The following FHIT variants were observed in gnomAD, a reference collection of about 807,000 sequenced individuals.
FHIT encodes fragile histidine triad diadenosine triphosphatase, also known as bis(5'-adenosyl)-triphosphatase.
In FHIT, 19 loss-of-function variants were observed where a neutral mutation model predicts 17.9. That is an observed-to-expected ratio of 1.06 (90% CI 0.74 to 1.56). FHIT has a LOEUF of 1.56. Ranked by LOEUF, FHIT falls within the 40% of genes most tolerant of loss-of-function variation. FHIT has a pLI of 0.00. For synonymous variants in FHIT, 81 were observed against 69.7 expected (o/e 1.16, Z -0.81); for missense variants, 248 against 189.2 (o/e 1.31, Z -1.82).
At chr3:60,044,962 C>T (rs150599211) in intron 5 of FHIT, among the ~76,000 whole-genome samples, 129 of 152,216 alleles carry the variant, frequency 8.5e-4, no homozygotes, top group African/African-American at 2.8e-3. Flanking sequence ...TCAAAATAAA[C>T]ACTGATCAAT....
chr3:60,003,076 G>A (rs546096168), intron 7 of FHIT, among the ~76,000 whole-genome samples: 1 of 152,120 alleles, frequency 6.6e-6, no homozygotes, highest in African/African-American at 2.4e-5. Context: ...GCTTCAAATG[G>A]GGCCCTTGGT....
At chr3:60,858,689 G>A (rs1278367332) in intron 3 of FHIT, among the ~76,000 whole-genome samples, 8 of 152,036 alleles carry the variant, frequency 5.3e-5, no homozygotes, top group African/African-American at 9.7e-5. Context: ...ACCACTAATC[G>A]GAGACAGATG....
At chr3:60,963,013 C>A (rs1159676813) in intron 3 of FHIT, among the ~76,000 whole-genome samples, 1 of 152,276 alleles carries the variant, frequency 6.6e-6, no homozygotes, top group East Asian at 1.9e-4. Context: ...GGTACCCGCT[C>A]CTCTTTGTAC....
Position 60,447,218 on chromosome 3 carries a change from A to G in FHIT, c.103+89642T>C, listed in dbSNP as rs572159135. ...TCTTTGTTATCTTCAAATTAGGTTTACATGTGGCTTTTCTATTGTTTTCAA... is the reference window on the plus strand; with the variant it reads ...TCTTTGTTATCTTCAAATTAGGTTTGCATGTGGCTTTTCTATTGTTTTCAA... On this transcript the variant is annotated intron_variant, in intron 5 of 9. Transcript: ENST00000492590. Among the ~76,000 whole-genome samples the G allele has an allele frequency of 1.3e-3, 193 of 152,210 alleles. 1 individual carries two copies. The highest frequency in any genetic ancestry group is 4.4e-3 in the African/African-American group (182 of 41,538).
intron 5 of FHIT, among the ~76,000 whole-genome samples, chr3:60,480,618 G>A (rs2033565756): frequency 6.6e-6 from 1 of 152,152 alleles, no homozygotes; most frequent in Non-Finnish European, 1.5e-5. Context: ...AAACTAAGGG[G>A]ACACAGGTCC....
intron 5 of FHIT, among the ~76,000 whole-genome samples, chr3:60,435,788 T>C (rs1268290430): frequency 6.6e-6 from 1 of 152,124 alleles, no homozygotes; most frequent in East Asian, 1.9e-4. Context: ...TTACTTTTCC[T>C]GATCGTCTCC....
At chr3:60,744,246 TAAAAAAAAAAACAAAACAAAAC>T (rs1346203978) in intron 4 of FHIT, among the ~76,000 whole-genome samples, 2 of 30,920 alleles carry the variant, frequency 6.5e-5, no homozygotes, top group South Asian at 1.3e-3. Flanking sequence ...GGAAGTAATG[TAAAAAAAAAAACAAAACAAAAC>T]AAAAAAAAAA....
intron 5 of FHIT, among the ~76,000 whole-genome samples, chr3:60,468,384 T>A (rs1167880286): frequency 1.3e-5 from 2 of 152,116 alleles, no homozygotes; most frequent in Non-Finnish European, 2.9e-5. Context: ...CTTTCATTCC[T>A]TCCTGTCTTC....
chr3:59,906,605 G>C (rs1704596626), intron 8 of FHIT, among the ~76,000 whole-genome samples: 1 of 152,162 alleles, frequency 6.6e-6, no homozygotes, highest in African/African-American at 2.4e-5. Flanking sequence ...GTTACAGATG[G>C]ATCTCAATGG....
chr3:60,540,147 C>G (rs2036139042), intron 4 of FHIT, among the ~76,000 whole-genome samples: 1 of 151,950 alleles, frequency 6.6e-6, no homozygotes, highest in Non-Finnish European at 1.5e-5. Context: ...CCCAGAAGAA[C>G]AGGTTTAGGG....
intron 5 of FHIT, among the ~76,000 whole-genome samples, chr3:60,447,190 A>G (rs1186170490): frequency 6.6e-6 from 1 of 152,044 alleles, no homozygotes; most frequent in Non-Finnish European, 1.5e-5. Flanking sequence ...TTGTCTTGGC[A>G]GTTCTTTGTT....
intron 8 of FHIT, among the ~76,000 whole-genome samples, chr3:59,817,585 G>C (rs1181814369): frequency 1.5e-5 from 2 of 137,342 alleles, no homozygotes; most frequent in Non-Finnish European, 3.2e-5. Context: ...AAAAAAGAAA[G>C]AAAGAAAGAA....
At chr3:60,263,623 C>T (rs935266904) in intron 5 of FHIT, among the ~76,000 whole-genome samples, 2 of 151,926 alleles carry the variant, frequency 1.3e-5, no homozygotes, top group Non-Finnish European at 2.9e-5. Context: ...CAAACCTAAT[C>T]TATAGCATCA....
At chr3:60,329,609 G>A (rs1709865538) in intron 5 of FHIT, among the ~76,000 whole-genome samples, 1 of 152,208 alleles carries the variant, frequency 6.6e-6, no homozygotes, top group Non-Finnish European at 1.5e-5. Context: ...GAAGTTAGGT[G>A]AGTAACTAGC....
chr3:61,060,344 T>A (rs2034382840), intron 2 of FHIT, among the ~76,000 whole-genome samples: 1 of 152,190 alleles, frequency 6.6e-6, no homozygotes, highest in Non-Finnish European at 1.5e-5. Flanking sequence ...CAGGAACCTA[T>A]CAATGACATT....
chr3:60,117,870 C>A (rs1293067195), intron 5 of FHIT, among the ~76,000 whole-genome samples: 2 of 152,168 alleles, frequency 1.3e-5, no homozygotes, highest in African/African-American at 4.8e-5. Context: ...AGACCACCAA[C>A]TGCAGGGTCA....
chr3:59,915,227 G>A (rs1193501861), intron 8 of FHIT, among the ~76,000 whole-genome samples: 1 of 152,180 alleles, frequency 6.6e-6, no homozygotes. Flanking sequence ...TCACTGTGGA[G>A]GGCAGATAGG....
intron 5 of FHIT, among the ~76,000 whole-genome samples, chr3:60,030,106 A>C (rs566294080): frequency 2.6e-5 from 4 of 152,142 alleles, no homozygotes; most frequent in African/African-American, 9.6e-5. Flanking sequence ...AAACCTCCTG[A>C]ACTCTGAATG....
chr3:60,005,149 G>T (rs1261735501), intron 7 of FHIT, among the ~76,000 whole-genome samples: 1 of 152,076 alleles, frequency 6.6e-6, no homozygotes, highest in African/African-American at 2.4e-5. Context: ...CCTGCTTCAG[G>T]ATCTCTCTCA....
Sources: allele counts gnomAD v4.1 joint callset (sites outside exome capture counted in the v4.1 genomes callset), GRCh38; gene constraint gnomAD v4.1.1; transcripts MANE v1.5; gene names NCBI Gene and HGNC (gene_info 2026-07-23, HGNC 2026-07-21).